Variants in CECR2 observed in about 807,000 individuals in gnomAD.
CECR2 encodes the protein chromatin remodeling regulator CECR2.
A neutral mutation model predicts 154.5 loss-of-function variants in CECR2; 30 were observed. The observed-to-expected ratio is 0.19, with a 90% CI of 0.15 to 0.26. The LOEUF (loss-of-function observed/expected upper bound fraction) is 0.26. Ranked by LOEUF, CECR2 falls within the 10% of genes least tolerant of loss-of-function variation. CECR2 has a pLI of 1.00. For missense variants in CECR2, 1,743 were observed against 1,829.3 expected (o/e 0.95, Z 0.86); for synonymous variants, 725 against 683.7 (o/e 1.06, Z -0.94).
rs1317166259 is a variant in CECR2 at position 17,540,429 on chromosome 22, G to A, written c.1513G>A (p.Asp505Asn). ...GESSEYTKMS[D>N]NLERCFHRAM... The stretch of plus-strand genomic sequence containing the variant: ...TCCTATAGAGTATACCAAGATGTCT[G>A]ATAATTTAGAGAGGTGTTTCCATCG... The change falls in exon 14 of 19, where the codon GAT (aspartate) becomes AAT (asparagine). Residue 505 changes from aspartate (D) to asparagine (N), a missense_variant. This residue lies in a region of CECR2 where 103 missense variants were observed against 166.8 expected (regional missense o/e 0.62). Coordinates refer to ENST00000262608, the MANE Select transcript of CECR2 (RefSeq NM_001290047.2). 1.3e-6 allele frequency: 2 copies of A among 1,552,188 alleles called. No individual in the cohort carries two copies. Among genetic ancestry groups the A allele is most frequent in the East Asian group, 4.5e-5 (2 of 44,242 alleles).
At chr22:17,535,292 T>A (rs954233386) in intron 9 of CECR2, among the ~76,000 whole-genome samples, 2 of 151,826 alleles carry the variant, frequency 1.3e-5, no homozygotes, top group Non-Finnish European at 2.9e-5. Flanking sequence ...CACTTTAGCC[T>A]GGGCAACAGA....
At chr22:17,472,316 CAG>C (rs950113165) in intron 1 of CECR2, among the ~76,000 whole-genome samples, 1 of 152,202 alleles carries the variant, frequency 6.6e-6, no homozygotes, top group Non-Finnish European at 1.5e-5. Context: ...CTGTCAAAGT[CAG>C]GGGAGCCTTC....
At chr22:17,476,149 T>C (rs2055204061) in intron 1 of CECR2, among the ~76,000 whole-genome samples, 1 of 149,784 alleles carries the variant, frequency 6.7e-6, no homozygotes, top group African/African-American at 2.5e-5. Context: ...CTCTCTCCAT[T>C]GTCACTCGGT....
chr22:17,504,952 G>A lies in CECR2; in HGVS notation c.806G>A (p.Arg269Gln), dbSNP rs758026753. 1.1e-5 allele frequency: 18 copies of A among 1,613,406 alleles called. No homozygotes were observed. The highest frequency in any genetic ancestry group is 2.2e-5 in the East Asian group (1 of 44,864). The change falls in exon 7 of 19, where the codon CGG (arginine) becomes CAG (glutamine). Residue 269 changes from arginine (R) to glutamine (Q), a missense_variant. Arg to Gln is a conservative substitution (Grantham distance 43, BLOSUM62 1). Transcript: ENST00000262608. ...CGCGAGAGGACCTCCCTTCGAGAACGGCAGCTCTACAAGCTCCTCAGTGAG... is the reference window on the plus strand; with the variant it reads ...CGCGAGAGGACCTCCCTTCGAGAACAGCAGCTCTACAAGCTCCTCAGTGAG... ...SFRERTSLRERQLYKLLSEDF... is the reference protein window; with the variant it reads ...SFRERTSLREQQLYKLLSEDF...
chr22:17,522,471 C>G (rs2056175338), intron 8 of CECR2, among the ~76,000 whole-genome samples: 1 of 152,146 alleles, frequency 6.6e-6, no homozygotes, highest in Non-Finnish European at 1.5e-5. Flanking sequence ...TGCCAAGTGT[C>G]CATAGCATCC....
intron 7 of CECR2, among the ~76,000 whole-genome samples, chr22:17,506,238 G>A (rs192608098): frequency 6.6e-5 from 10 of 152,164 alleles, no homozygotes; most frequent in African/African-American, 1.4e-4. Context: ...CTCCCAGGCC[G>A]AAGTGATCCT....
chr22:17,439,897 C>T (rs55954905), intron 1 of CECR2, among the ~76,000 whole-genome samples: 12,161 of 151,652 alleles, frequency 0.08, 1,035 homozygotes, highest in African/African-American at 0.22. Context: ...GAGTATTAGC[C>T]CACCTTTTAA....
At chr22:17,392,488 A>G (rs1311516567) in intron 1 of CECR2, among the ~76,000 whole-genome samples, 2 of 152,078 alleles carry the variant, frequency 1.3e-5, no homozygotes, top group African/African-American at 4.8e-5. Context: ...TCCGTCTCAA[A>G]AATAGAATAA....
intron 1 of CECR2, among the ~76,000 whole-genome samples, chr22:17,412,872 CTG>C (rs1360895278): frequency 1.3e-5 from 2 of 152,146 alleles, no homozygotes; most frequent in African/African-American, 2.4e-5. Context: ...TGCGGCCAGT[CTG>C]TGTATCTGTG....
Position 17,506,734 on chromosome 22 carries a change from G to A in CECR2, c.870+1718G>A, listed in dbSNP as rs77748367. Among the ~76,000 whole-genome samples, 1,237 of 152,154 alleles carry A rather than the reference G, an allele frequency of 8.1e-3. 16 individuals are homozygous for A. The highest frequency in any genetic ancestry group is 0.028 in the African/African-American group (1,160 of 41,510). Reference sequence around the variant, plus strand: ...AGTGGCACAATCTTGGCCCCCCGCAGCCTCCACCTCCTGGGTTCAAGCGAT... The same window carrying A: ...AGTGGCACAATCTTGGCCCCCCGCAACCTCCACCTCCTGGGTTCAAGCGAT... On this transcript the variant is annotated intron_variant, in intron 7 of 18. Transcript: ENST00000262608.
intron 1 of CECR2, among the ~76,000 whole-genome samples, chr22:17,456,107 C>G (rs192862728): frequency 6.6e-6 from 1 of 151,808 alleles, no homozygotes; most frequent in Non-Finnish European, 1.5e-5. Flanking sequence ...ATCAAAACCT[C>G]ACCCCTACAT....
At chr22:17,544,191 C>T (rs2056574283) in intron 16 of CECR2, among the ~76,000 whole-genome samples, 1 of 152,162 alleles carries the variant, frequency 6.6e-6, no homozygotes, top group African/African-American at 2.4e-5. Flanking sequence ...GAGAGTAAGA[C>T]TGTCTCTACT....
At chr22:17,457,595 G>A (rs2054874243) in intron 1 of CECR2, among the ~76,000 whole-genome samples, 1 of 152,170 alleles carries the variant, frequency 6.6e-6, no homozygotes. Context: ...CGGTTGCCTT[G>A]CACATGAGTG....
chr22:17,383,030 G>A (rs1328806568), intron 1 of CECR2, among the ~76,000 whole-genome samples: 3 of 151,686 alleles, frequency 2.0e-5, no homozygotes, highest in African/African-American at 7.3e-5. Flanking sequence ...GTTCGAGACC[G>A]CCTGGCCAAG....
intron 2 of CECR2, among the ~76,000 whole-genome samples, chr22:17,495,754 C>G (rs568079052): frequency 5.3e-4 from 78 of 147,216 alleles, no homozygotes; most frequent in South Asian, 1.5e-3. Flanking sequence ...CCCAGCTACT[C>G]GGGAGGCTGA....
chr22:17,504,756 G>T, intron 6 of CECR2, 91 bp from the exon 7 acceptor site: 1 of 1,224,010 alleles, frequency 8.2e-7, no homozygotes, highest in Non-Finnish European at 1.2e-6. Context: ...CCTTATTTTA[G>T]TCATGACCCA....
chr22:17,425,523 A>G (rs2146617027), intron 1 of CECR2, among the ~76,000 whole-genome samples: 1 of 152,350 alleles, frequency 6.6e-6, no homozygotes, highest in East Asian at 1.9e-4. Context: ...GAATAGGACT[A>G]TGCAAAAGGA....
chr22:17,388,444 C>T (rs905890172), intron 1 of CECR2, among the ~76,000 whole-genome samples: 2 of 152,150 alleles, frequency 1.3e-5, no homozygotes, highest in African/African-American at 4.8e-5. Flanking sequence ...CCCAAGGCCG[C>T]ATGCCCAGCG....
At position 17,414,003 on chromosome 22, in the gene CECR2, T is replaced by G. The variant is rs189566819; in HGVS notation, c.126+44094T>G. On this transcript the variant is annotated intron_variant, in intron 1 of 18. Coordinates refer to ENST00000262608, the MANE Select transcript of CECR2 (RefSeq NM_001290047.2). ...ATTATTATTTTTTGAGACGGAGTCT[T>G]GCTCTGTCACCCAGGCTGGAGTGTG... Among the ~76,000 whole-genome samples the G allele has an allele frequency of 1.7e-3, 257 of 147,500 alleles. 2 individuals are homozygous for G. The highest frequency in any genetic ancestry group is 0.012 in the East Asian group (58 of 5,034).
Sources: gnomAD v4.1 joint callset for allele counts (sites outside exome capture counted in the v4.1 genomes callset) on GRCh38, gnomAD v4.1.1 for gene constraint, gnomAD v4.1.1 regional missense constraint, MANE v1.5 for transcripts, NCBI Gene and HGNC (gene_info 2026-07-23, HGNC 2026-07-21) for gene names.